SNRNP48: variants seen among roughly 807,000 people sequenced by gnomAD.
SNRNP48 encodes the protein U11/U12 small nuclear ribonucleoprotein 48 kDa protein.
Under a neutral mutation model 47.0 loss-of-function variants are expected in SNRNP48, and 43 were observed. The ratio of observed to expected loss-of-function variants is 0.92; its 90% confidence interval spans 0.72 to 1.18. SNRNP48 has a LOEUF of 1.18. SNRNP48 is among the 50% of genes most tolerant of loss of function. The probability of loss-of-function intolerance (pLI) is 0.00; values close to 1 mark genes in which losing one functional copy is unlikely to be tolerated. For missense variants in SNRNP48, 396 were observed against 422.2 expected, an observed-to-expected ratio of 0.94 and a Z score of 0.54; for synonymous variants, 138 against 144.0, an observed-to-expected ratio of 0.96 and a Z score of 0.30.
At chr6:7,594,976 G>A (rs760163460) in intron 3 of SNRNP48, 51 bp from the exon 4 acceptor site, 2 of 1,456,592 alleles carry the variant, frequency 1.4e-6, no homozygotes, top group South Asian at 2.5e-5. Flanking sequence ...TAATTTAATT[G>A]TGGTCACTGA....
intron 4 of SNRNP48, among the ~76,000 whole-genome samples, chr6:7,596,793 A>G (rs888941469): frequency 1.3e-5 from 2 of 152,124 alleles, no homozygotes; most frequent in African/African-American, 4.8e-5. Flanking sequence ...GGCCTCTGCT[A>G]TTGGTTCTGC....
At chr6:7,600,283 A>G in intron 4 of SNRNP48, 1 of 824,706 alleles carries the variant, frequency 1.2e-6, no homozygotes, top group Non-Finnish European at 1.5e-6. Flanking sequence ...CTTAGTTCAT[A>G]GTATGCTCTT....
chr6:7,601,421 C>G lies in SNRNP48; in HGVS notation c.492C>G (p.Leu164=). ...TAACTCAAGCTGATCGTCTTGCCCT[C>G]TATGATTTCGTAGTTGAGGAGACAA... ...CDLTQADRLA[L]YDFVVEETKK... Residue 164 remains leucine, a synonymous_variant, in exon 5 of 9, where the codon CTC becomes CTG. Transcript: ENST00000342415. The G allele has an allele frequency of 6.2e-7, 1 of 1,603,778 alleles. No individual in the cohort carries two copies. The highest frequency in any genetic ancestry group is 8.5e-7 in the Non-Finnish European group (1 of 1,178,012).
intron 1 of SNRNP48, among the ~76,000 whole-genome samples, chr6:7,592,436 T>C (rs1759835300): frequency 6.6e-6 from 1 of 151,996 alleles, no homozygotes; most frequent in African/African-American, 2.4e-5. Context: ...CCAGGGCATA[T>C]TATAATCACA....
intron 6 of SNRNP48, among the ~76,000 whole-genome samples, chr6:7,605,089 G>A (rs1330767134): frequency 6.6e-6 from 1 of 151,912 alleles, no homozygotes; most frequent in Non-Finnish European, 1.5e-5. Flanking sequence ...TTCTTTAAGG[G>A]TTAAATTACA....
At chr6:7,608,299 G>A (rs1760170250) in intron 8 of SNRNP48, among the ~76,000 whole-genome samples, 1 of 152,108 alleles carries the variant, frequency 6.6e-6, no homozygotes, top group Admixed American at 6.5e-5. Context: ...GCTCATGCCT[G>A]TAATCCCAGC....
intron 4 of SNRNP48, among the ~76,000 whole-genome samples, chr6:7,596,148 C>T (rs1451176107): frequency 2.0e-5 from 3 of 151,964 alleles, no homozygotes; most frequent in Non-Finnish European, 4.4e-5. Flanking sequence ...ACCTGTAATC[C>T]CAGCTACTCA....
chr6:7,590,234 C>A lies in SNRNP48; in HGVS notation c.-24C>A. ...CGTGCGGTCTGCAGTTCGGCCGCTT[C>A]CTCTTGGCGGGTGGGCTGCAGCTAT... On this transcript the variant is annotated 5_prime_UTR_variant, in exon 1 of 9. Coordinates refer to ENST00000342415, the MANE Select transcript of SNRNP48 (RefSeq NM_152551.4). 1.5e-6 allele frequency: 2 copies of A among 1,297,474 alleles called. No individual in the cohort carries two copies. Among genetic ancestry groups the A allele is most frequent in the Non-Finnish European group, 9.9e-7 (1 of 1,014,916 alleles). 80.4% of individuals were successfully genotyped at this position (1,297,474 alleles called of 1,614,324 possible). A position where few individuals can be genotyped will look rare whatever the true frequency, so the allele number is the denominator to read the frequency against.
Position 7,611,407 on chromosome 6 carries a change from C to T in SNRNP48, c.*2534C>T, listed in dbSNP as rs1481606766. The T allele has an allele frequency of 6.6e-6, 1 of 152,190 alleles. No individual in the cohort carries two copies. The highest frequency in any genetic ancestry group is 1.5e-5 in the Non-Finnish European group (1 of 68,076). The allele number at this position is 152,190 out of a possible 1,614,324, so 9.4% of individuals were successfully genotyped here. On this transcript the variant is annotated 3_prime_UTR_variant, in exon 9 of 9. Transcript: ENST00000342415. ...GATCTCACTATGTTCTCCAGCTGGT[C>T]TCAAGCTCCTGGCCTCGGCCTCCTA...
At chr6:7,603,653 G>A (rs1178775671) in intron 6 of SNRNP48, among the ~76,000 whole-genome samples, 4 of 152,164 alleles carry the variant, frequency 2.6e-5, no homozygotes, top group African/African-American at 9.7e-5. Flanking sequence ...ATTTCCATGA[G>A]GTGCTAGTTG....
chr6:7,606,594 A>T (rs149935354), intron 8 of SNRNP48, among the ~76,000 whole-genome samples: 1 of 152,270 alleles, frequency 6.6e-6, no homozygotes, highest in African/African-American at 2.4e-5. Context: ...AAGGGTATGT[A>T]GGGTCAGAGA....
intron 2 of SNRNP48, 80 bp from the exon 3 acceptor site, chr6:7,594,019 A>G: frequency 1.0e-6 from 1 of 990,858 alleles, no homozygotes; most frequent in Non-Finnish European, 1.5e-6. Flanking sequence ...TAATTAAGTG[A>G]TACTAATCTA....
chr6:7,605,572 C>T, intron 7 of SNRNP48, 86 bp downstream of exon 7: 2 of 1,273,396 alleles, frequency 1.6e-6, no homozygotes, highest in Non-Finnish European at 2.2e-6. Context: ...TTAGCATTTC[C>T]AAAACCCTTG....
intron 4 of SNRNP48, chr6:7,600,227 C>T: frequency 2.0e-6 from 2 of 983,840 alleles, no homozygotes; most frequent in Non-Finnish European, 2.4e-6. Flanking sequence ...CACTGCAGCT[C>T]TCCTCTTAAT....
At chr6:7,606,848 A>G (rs1760138296) in intron 8 of SNRNP48, among the ~76,000 whole-genome samples, 2 of 152,224 alleles carry the variant, frequency 1.3e-5, no homozygotes, top group African/African-American at 4.8e-5. Flanking sequence ...ACTCTCATCT[A>G]TTAACCTAAG....
chr6:7,606,495 C>G (rs1003018371), intron 8 of SNRNP48, among the ~76,000 whole-genome samples: 3 of 152,282 alleles, frequency 2.0e-5, no homozygotes, highest in Admixed American at 2.0e-4. Context: ...AACTGTTAAA[C>G]ACGGTTTTCC....
At position 7,601,474 on chromosome 6, in the gene SNRNP48, T is replaced by C. The variant is rs746359131; in HGVS notation, c.545T>C (p.Ile182Thr). Residue 182 changes from isoleucine (I) to threonine (T), a missense_variant, in exon 5 of 9, where the codon ATT (isoleucine) becomes ACT (threonine). Coordinates refer to ENST00000342415, the MANE Select transcript of SNRNP48 (RefSeq NM_152551.4). ...TKKKRSDSQIIENDSDLFVDL... is the reference protein window; with the variant it reads ...TKKKRSDSQITENDSDLFVDL... ...AAAAAGCGCTCTGATTCTCAAATTA[T>C]TGAAAATGACAGCGATCTCTTTGTA... 97 of 1,600,718 alleles carry C rather than the reference T, an allele frequency of 6.1e-5. No homozygotes were observed. The East Asian group carries it at 1.5e-3, about 25-fold the overall frequency.
Position 7,590,304 on chromosome 6 carries a change from A to G in SNRNP48, c.47A>G (p.Glu16Gly). The change falls in exon 1 of 9, where the codon GAG becomes GGG. Residue 16 changes from glutamate to glycine, a missense_variant. Coordinates refer to ENST00000342415, the MANE Select transcript of SNRNP48 (RefSeq NM_152551.4). ...PPVEERRRLQ[E>G]ELNEFVESGC... is the part of the protein sequence containing the mutation. ...GTGGAGGAGCGGCGGCGGCTGCAGG[A>G]GGAGCTGAACGAGTTCGTGGAGAGC... 7.2e-7 allele frequency: 1 copy of G among 1,383,012 alleles called. No homozygotes were observed. Among genetic ancestry groups the G allele is most frequent in the East Asian group, 2.8e-5 (1 of 36,132 alleles). 85.7% of individuals were successfully genotyped at this position (1,383,012 alleles called of 1,614,324 possible).
At position 7,593,735 on chromosome 6, in the gene SNRNP48, A is replaced by G. The variant is rs751148273; in HGVS notation, c.158A>G (p.Asp53Gly). The change falls in exon 2 of 9, where the codon GAT becomes GGT. Residue 53 changes from aspartate to glycine, a missense_variant and splice_region_variant. Physicochemically the swap from Asp to Gly is moderately conservative, Grantham distance 94. Transcript: ENST00000342415. ...TTTGTTTCTGTTTGATTTTTATAGG[A>G]TGAAGTTGTGATATGTCCATACGAT... ...LDPGEEEAAE[D>G]EVVICPYDSN... The G allele has an allele frequency of 8.4e-6, 13 of 1,556,122 alleles. No homozygotes were observed. Among genetic ancestry groups the G allele is most frequent in the Middle Eastern group, 1.7e-4 (1 of 5,824 alleles).
Sources: allele counts gnomAD v4.1 joint callset (sites outside exome capture counted in the v4.1 genomes callset), GRCh38; gene constraint gnomAD v4.1.1; transcripts MANE v1.5; gene names NCBI Gene and HGNC (gene_info 2026-07-23, HGNC 2026-07-21).